Variants in SPATA1 observed in about 807,000 individuals in gnomAD.
The protein encoded by SPATA1 is spermatogenesis associated 1, also known as spermatogenesis-associated protein 1.
Under a neutral mutation model 59.6 loss-of-function variants are expected in SPATA1, and 57 were observed. The observed-to-expected ratio is 0.96, with a 90% CI of 0.77 to 1.19. SPATA1 has a LOEUF of 1.19. Ranked by LOEUF, SPATA1 falls within the 50% of genes most tolerant of loss-of-function variation. The probability of loss-of-function intolerance (pLI) is 0.00; values close to 1 mark genes in which losing one functional copy is unlikely to be tolerated. For synonymous variants in SPATA1, 147 were observed against 163.9 expected (o/e 0.90, Z 0.79); for missense variants, 448 against 480.7 (o/e 0.93, Z 0.64).
intron 10 of SPATA1, 40 bp downstream of exon 10, chr1:84,545,799 C>G (rs1684066589): frequency 3.7e-6 from 5 of 1,357,062 alleles, no homozygotes; most frequent in African/African-American, 1.5e-5. Context: ...ATAAAGAAAA[C>G]TTAAGTTTTA....
downstream of SPATA1, among the ~76,000 whole-genome samples, chr1:84,558,382 C>T (rs983219099): frequency 1.3e-5 from 2 of 150,858 alleles, no homozygotes; most frequent in African/African-American, 2.4e-5. Flanking sequence ...CTCCGCCTCC[C>T]GGGTTCACGC....
At chr1:84,512,349 T>TAA (rs1162493159) in intron 1 of SPATA1, among the ~76,000 whole-genome samples, 6 of 152,264 alleles carry the variant, frequency 3.9e-5, no homozygotes, top group African/African-American at 9.6e-5. Context: ...GACCAACGAA[T>TAA]GGTTGTATAG....
chr1:84,564,548 G>A (rs1488547852), intron 4 of SPATA1, among the ~76,000 whole-genome samples: 1 of 152,142 alleles, frequency 6.6e-6, no homozygotes, highest in Non-Finnish European at 1.5e-5. Context: ...TTTGGTTGTT[G>A]ATTTATTTAT....
intron 12 of SPATA1, chr1:84,551,105 A>G (rs1245684140): frequency 1.0e-6 from 1 of 985,170 alleles, no homozygotes; most frequent in African/African-American, 1.7e-5. Flanking sequence ...TGTACAACTA[A>G]TTACATCATA....
At chr1:84,519,502 G>A (rs1289548113) in intron 2 of SPATA1, among the ~76,000 whole-genome samples, 1 of 151,784 alleles carries the variant, frequency 6.6e-6, no homozygotes, top group Non-Finnish European at 1.5e-5. Context: ...GTTTCCTCCT[G>A]TAAAATATTA....
downstream of SPATA1, chr1:84,555,013 G>T: frequency 3.1e-6 from 5 of 1,613,452 alleles, no homozygotes; most frequent in South Asian, 5.5e-5. Flanking sequence ...CTCTGTAACA[G>T]CTTTGGCTTT....
At position 84,513,842 on chromosome 1, in the gene SPATA1, A is replaced by ATTTTTTTTT. The variant is rs60377217; in HGVS notation, c.-137-2372_-137-2364dup. Among the ~76,000 whole-genome samples, 150 of 125,020 alleles carry ATTTTTTTTT rather than the reference A, an allele frequency of 1.2e-3. 5 individuals are homozygous for ATTTTTTTTT. The highest frequency in any genetic ancestry group is 2.7e-3 in the African/African-American group (85 of 30,996). 82.0% of individuals were successfully genotyped at this position (125,020 alleles called of 152,430 possible). ...TGATGACTTCTCTTTTCTATATTCT[A>ATTTTTTTTT]TTTTTTTTTTTTTTTTTGAGACGGA... On this transcript the variant is annotated intron_variant, in intron 1 of 12. Coordinates refer to ENST00000490879, the Ensembl canonical transcript of SPATA1.
chr1:84,548,430 A>G (rs1684160825), intron 10 of SPATA1, among the ~76,000 whole-genome samples: 1 of 137,682 alleles, frequency 7.3e-6, no homozygotes, highest in Non-Finnish European at 1.6e-5. Flanking sequence ...TATATGTTAT[A>G]GTTTTATATA....
At chr1:84,543,781 A>G (rs183179236) in intron 8 of SPATA1, among the ~76,000 whole-genome samples, 3 of 152,350 alleles carry the variant, frequency 2.0e-5, no homozygotes, top group Admixed American at 2.0e-4. Context: ...ATATATTAGA[A>G]TAAAATGTAA....
At chr1:84,525,006 TC>T (rs1683160058) in intron 4 of SPATA1, among the ~76,000 whole-genome samples, 1 of 152,164 alleles carries the variant, frequency 6.6e-6, no homozygotes, top group Admixed American at 6.5e-5. Flanking sequence ...AGACAGAGTC[TC>T]CCTCTGTTGC....
chr1:84,566,222 G>T, downstream of SPATA1: 1 of 234,694 alleles, frequency 4.3e-6, no homozygotes, highest in Non-Finnish European at 8.1e-6. Flanking sequence ...CATATATTTG[G>T]ACATACAATG....
downstream of SPATA1, among the ~76,000 whole-genome samples, chr1:84,567,055 G>A (rs1303669129): frequency 6.6e-6 from 1 of 152,104 alleles, no homozygotes; most frequent in Non-Finnish European, 1.5e-5. Context: ...CTTCATTAAA[G>A]GTTGTTTTCC....
At chr1:84,509,157 C>T (rs538117271) in intron 1 of SPATA1, among the ~76,000 whole-genome samples, 1 of 151,020 alleles carries the variant, frequency 6.6e-6, no homozygotes, top group East Asian at 1.9e-4. Context: ...TGTTACCTGA[C>T]CTCAAATTAT....
intron 4 of SPATA1, among the ~76,000 whole-genome samples, chr1:84,565,625 T>C (rs1684684965): frequency 6.6e-6 from 1 of 152,178 alleles, no homozygotes; most frequent in Non-Finnish European, 1.5e-5. Flanking sequence ...AATATACCTA[T>C]ACCACAAGAT....
In SPATA1 at chr1:84,527,465, A is replaced by T. The variant is rs768925916; in HGVS notation, c.544+1392A>T. 7.9e-5 allele frequency: 12 copies of T among 152,172 alleles called. No homozygotes were observed. In the South Asian group the frequency reaches 2.3e-3, roughly 29 times the overall value. The allele number at this position is 152,172 out of a possible 1,614,324, so 9.4% of individuals were successfully genotyped here. A position where few individuals can be genotyped will look rare whatever the true frequency, so the allele number is the denominator to read the frequency against. ...TGTAAAGAAGAAAATAAAGACTGAC[A>T]ATAATTTTACTACTCAGAGATTACT... is the stretch of plus-strand genomic sequence containing the variant. On this transcript the variant is annotated intron_variant, in intron 6 of 12. Transcript: ENST00000490879.
intron 1 of SPATA1, among the ~76,000 whole-genome samples, chr1:84,515,377 A>G (rs1348498614): frequency 3.3e-5 from 5 of 152,142 alleles, no homozygotes; most frequent in Non-Finnish European, 7.4e-5. Flanking sequence ...TAATTTTGAT[A>G]CTATTAAAAC....
intron 4 of SPATA1, among the ~76,000 whole-genome samples, chr1:84,525,158 G>T (rs1570408854): frequency 6.6e-6 from 1 of 152,100 alleles, no homozygotes; most frequent in Non-Finnish European, 1.5e-5. Context: ...GTAGAGATGG[G>T]GTTTCACCAT....
intron 8 of SPATA1, among the ~76,000 whole-genome samples, chr1:84,538,389 G>T (rs1359959147): frequency 6.6e-6 from 1 of 152,214 alleles, no homozygotes; most frequent in African/African-American, 2.4e-5. Flanking sequence ...TCGTAATCTA[G>T]TTTATAGGCA....
At chr1:84,516,343 T>G in exon 2 of SPATA1, 1 of 1,521,144 alleles carries the variant, frequency 6.6e-7, no homozygotes, top group Admixed American at 2.3e-5. Context: ...AATTATCCCA[T>G]TCAGACATTA....
Sources: allele counts gnomAD v4.1 joint callset (sites outside exome capture counted in the v4.1 genomes callset), GRCh38; gene constraint gnomAD v4.1.1; transcripts MANE v1.5; gene names NCBI Gene and HGNC (gene_info 2026-07-23, HGNC 2026-07-21).